Variants in ZNF407 observed in about 807,000 individuals in gnomAD.
ZNF407 encodes zinc finger protein 407.
ZNF407 carries 17 observed loss-of-function variants against 131.2 expected under a neutral mutation model. That is an observed-to-expected ratio of 0.13 (90% CI 0.09 to 0.19). The LOEUF (loss-of-function observed/expected upper bound fraction) is 0.19. Ranked by LOEUF, ZNF407 falls within the 10% of genes least tolerant of loss-of-function variation. The pLI is 1.00. For missense variants in ZNF407, 2,681 were observed against 2,830.6 expected (o/e 0.95, Z 1.20); for synonymous variants, 1,156 against 1,062.0 (o/e 1.09, Z -1.72).
intron 8 of ZNF407, among the ~76,000 whole-genome samples, chr18:74,935,971 T>C (rs1384500638): frequency 6.6e-6 from 1 of 152,226 alleles, no homozygotes; most frequent in African/African-American, 2.4e-5. Context: ...AAGTTTTTTC[T>C]TTTTGTGATG....
At chr18:74,850,306 A>G (rs551791859) in intron 4 of ZNF407, among the ~76,000 whole-genome samples, 208 of 141,648 alleles carry the variant, frequency 1.5e-3, no homozygotes, top group Non-Finnish European at 2.3e-3. Context: ...TTGTTGCCCA[A>G]TTTTCCTCTT....
At chr18:75,059,850 C>G (rs1217780859) in intron 8 of ZNF407, among the ~76,000 whole-genome samples, 1 of 152,220 alleles carries the variant, frequency 6.6e-6, no homozygotes, top group Non-Finnish European at 1.5e-5. Context: ...CCCGTGGGAC[C>G]TGCACGCCCA....
intron 3 of ZNF407, among the ~76,000 whole-genome samples, chr18:74,706,614 C>T (rs1200783202): frequency 2.0e-5 from 3 of 152,122 alleles, no homozygotes; most frequent in African/African-American, 7.2e-5. Flanking sequence ...TTAGGGGTGT[C>T]AGAAAATGAG....
At chr18:74,701,199 T>C (rs1290571929) in intron 3 of ZNF407, among the ~76,000 whole-genome samples, 1 of 152,150 alleles carries the variant, frequency 6.6e-6, no homozygotes, top group African/African-American at 2.4e-5. Flanking sequence ...TTAGCTTCTG[T>C]TGTCTGAGGC....
chr18:74,637,878 T>A (rs1984529656), intron 2 of ZNF407, among the ~76,000 whole-genome samples: 1 of 152,130 alleles, frequency 6.6e-6, no homozygotes, highest in African/African-American at 2.4e-5. Flanking sequence ...AATAAATGAG[T>A]TTTGGTTATC....
intron 3 of ZNF407, among the ~76,000 whole-genome samples, chr18:74,756,189 G>A (rs544278885): frequency 6.6e-6 from 1 of 151,272 alleles, no homozygotes; most frequent in African/African-American, 2.5e-5. Context: ...ACAGCGCCTG[G>A]CCATATATTT....
intron 3 of ZNF407, among the ~76,000 whole-genome samples, chr18:74,689,690 C>T (rs1409968039): frequency 6.6e-6 from 1 of 152,204 alleles, no homozygotes; most frequent in Non-Finnish European, 1.5e-5. Context: ...TCAGGATTTC[C>T]TTTCCACTGG....
intron 4 of ZNF407, among the ~76,000 whole-genome samples, chr18:74,840,574 C>G (rs1460130067): frequency 6.6e-6 from 1 of 152,108 alleles, no homozygotes; most frequent in Non-Finnish European, 1.5e-5. Flanking sequence ...TGAGATAGAT[C>G]TTGCTTGTTG....
At chr18:74,809,219 T>A (rs867234168) in intron 4 of ZNF407, among the ~76,000 whole-genome samples, 5 of 152,218 alleles carry the variant, frequency 3.3e-5, no homozygotes, top group African/African-American at 7.2e-5. Context: ...TTCCTCCTCT[T>A]CTTTTACACT....
intron 3 of ZNF407, among the ~76,000 whole-genome samples, chr18:74,695,881 C>G (rs1967342567): frequency 6.6e-6 from 1 of 152,108 alleles, no homozygotes; most frequent in African/African-American, 2.4e-5. Context: ...AAGAAGAGAT[C>G]TACATAAATA....
intron 3 of ZNF407, among the ~76,000 whole-genome samples, chr18:74,720,683 TAGAGGTGGGG>T (rs1968010092): frequency 6.6e-6 from 1 of 152,130 alleles, no homozygotes; most frequent in African/African-American, 2.4e-5. Flanking sequence ...TGTGTAGGGT[TAGAGGTGGGG>T]GTCTAGTTTC....
chr18:74,813,420 T>C (rs1391916308), intron 4 of ZNF407, among the ~76,000 whole-genome samples: 1 of 152,160 alleles, frequency 6.6e-6, no homozygotes, highest in South Asian at 2.1e-4. Context: ...GGAATTTGTC[T>C]TCATGATGCC....
At chr18:74,622,594 C>G (rs749513599) in intron 1 of ZNF407, among the ~76,000 whole-genome samples, 6 of 152,232 alleles carry the variant, frequency 3.9e-5, no homozygotes, top group Admixed American at 3.9e-4. Context: ...ACACGTACCC[C>G]TCAGTGAAGT....
intron 4 of ZNF407, among the ~76,000 whole-genome samples, chr18:74,846,891 G>T (rs1407478648): frequency 1.3e-5 from 2 of 151,832 alleles, no homozygotes; most frequent in African/African-American, 4.8e-5. Context: ...CTACTCGGGA[G>T]GCTGAGGCAG....
intron 8 of ZNF407, among the ~76,000 whole-genome samples, chr18:74,924,796 A>G (rs1358908984): frequency 6.6e-6 from 1 of 152,268 alleles, no homozygotes; most frequent in Admixed American, 6.5e-5. Context: ...GTGCCTAAGA[A>G]GAAAGAGATG....
At chr18:74,893,134 G>T (rs559040676) in intron 7 of ZNF407, among the ~76,000 whole-genome samples, 1 of 152,078 alleles carries the variant, frequency 6.6e-6, no homozygotes, top group East Asian at 1.9e-4. Flanking sequence ...GTTTAGGACC[G>T]CATTTGAGCC....
At chr18:74,907,606 G>A (rs1971613702) in intron 7 of ZNF407, among the ~76,000 whole-genome samples, 1 of 152,184 alleles carries the variant, frequency 6.6e-6, no homozygotes, top group African/African-American at 2.4e-5. Flanking sequence ...ATGGAACTCT[G>A]TAGGAGAAGC....
intron 4 of ZNF407, among the ~76,000 whole-genome samples, chr18:74,862,635 A>C (rs748149559): frequency 6.6e-6 from 1 of 152,202 alleles, no homozygotes; most frequent in Non-Finnish European, 1.5e-5. Context: ...TAATTTGTCA[A>C]ATTTTAATTG....
At chr18:74,986,641 AT>A (rs1972655608) in intron 8 of ZNF407, among the ~76,000 whole-genome samples, 1 of 152,074 alleles carries the variant, frequency 6.6e-6, no homozygotes, top group Non-Finnish European at 1.5e-5. Context: ...AACATCTCCA[AT>A]TTTTTCCCTC....
Sources: allele counts gnomAD v4.1 joint callset (sites outside exome capture counted in the v4.1 genomes callset), GRCh38; gene constraint gnomAD v4.1.1; transcripts MANE v1.5; gene names NCBI Gene and HGNC (gene_info 2026-07-23, HGNC 2026-07-21).